SDCCAG8: variants seen among roughly 807,000 people sequenced by gnomAD.
SDCCAG8 encodes the protein SHH signaling and ciliogenesis regulator SDCCAG8, also known as serologically defined colon cancer antigen 8.
In SDCCAG8, 74 loss-of-function variants were observed where a neutral mutation model predicts 101.8. The observed-to-expected ratio is 0.73, with a 90% confidence interval of 0.60 to 0.88. SDCCAG8 has a LOEUF of 0.88. Among genes scored for constraint, SDCCAG8 ranks in the 40% least tolerant of loss-of-function variants. The pLI is 0.00. For missense variants in SDCCAG8, 787 were observed against 822.6 expected, an observed-to-expected ratio of 0.96 and a Z score of 0.53; for synonymous variants, 281 against 292.9, an observed-to-expected ratio of 0.96 and a Z score of 0.41.
chr1:243,290,556 A>G (rs183062140), intron 5 of SDCCAG8, among the ~76,000 whole-genome samples: 1 of 152,048 alleles, frequency 6.6e-6, no homozygotes, highest in Admixed American at 6.5e-5. Flanking sequence ...GGTGTGGTAT[A>G]CTCTCAAGTC....
intron 16 of SDCCAG8, among the ~76,000 whole-genome samples, chr1:243,471,524 C>T (rs924889625): frequency 1.7e-4 from 26 of 152,090 alleles, no homozygotes; most frequent in Non-Finnish European, 2.8e-4. Flanking sequence ...CTCCCTCGGC[C>T]CTCCACGGGG....
intron 6 of SDCCAG8, among the ~76,000 whole-genome samples, chr1:243,294,490 AGAGAGAGAGAAAGAGC>A (rs1374543391): frequency 5.2e-5 from 7 of 133,880 alleles, no homozygotes; most frequent in African/African-American, 2.1e-4. Context: ...GGGGAGAGAG[AGAGAGAGAGAAAGAGC>A]GAGAGAGAGA....
Position 243,256,186 on chromosome 1 carries a change from C to G in SDCCAG8, c.13C>G (p.Pro5Ala). 1 of 1,614,192 alleles carries G rather than the reference C, an allele frequency of 6.2e-7. No homozygotes were observed. Among genetic ancestry groups the G allele is most frequent in the Non-Finnish European group, 8.5e-7 (1 of 1,180,004 alleles). ...CTAGAGTGCGTGCATGGCGAAGTCC[C>G]CGGAGAACTCTACCCTGGAGGAGAT... is the stretch of plus-strand genomic sequence containing the variant. MAKS[P>A]ENSTLEEILG... is the part of the protein sequence containing the mutation. The change falls in exon 1 of 18, where the codon CCG becomes GCG. Residue 5 changes from proline (P) to alanine (A), a missense_variant. Coordinates refer to ENST00000366541, the MANE Select transcript of SDCCAG8 (RefSeq NM_006642.5).
intron 13 of SDCCAG8, among the ~76,000 whole-genome samples, chr1:243,385,924 G>A (rs2078257592): frequency 1.3e-5 from 2 of 152,192 alleles, no homozygotes; most frequent in Admixed American, 1.3e-4. Flanking sequence ...AGCTGAGTTT[G>A]CACCATTGTA....
At chr1:243,407,397 TG>T (rs1277991312) in intron 13 of SDCCAG8, among the ~76,000 whole-genome samples, 1 of 152,196 alleles carries the variant, frequency 6.6e-6, no homozygotes, top group Non-Finnish European at 1.5e-5. Context: ...AGAGATGTTA[TG>T]AAGAATAGAG....
chr1:243,471,965 C>A (rs1017146246), intron 16 of SDCCAG8, among the ~76,000 whole-genome samples: 1 of 152,164 alleles, frequency 6.6e-6, no homozygotes, highest in Admixed American at 6.5e-5. Context: ...GGCAGTATTT[C>A]AACTGTGGTC....
At position 243,274,523 on chromosome 1, in the gene SDCCAG8, T is replaced by G. The variant is rs776316200; in HGVS notation, c.307-20T>G. On this transcript the variant is annotated intron_variant, in intron 3 of 17. Coordinates refer to ENST00000366541, the MANE Select transcript of SDCCAG8 (RefSeq NM_006642.5). ...AAAATTTATGTATTTATGTATTTAT[T>G]TATTTATTTTTTGTCATAGAGGTCA... 6 of 1,309,130 alleles carry G rather than the reference T, an allele frequency of 4.6e-6. No individual in the cohort carries two copies. In the East Asian group the frequency reaches 1.2e-4, roughly 25 times the overall value. 81.1% of individuals were successfully genotyped at this position (1,309,130 alleles called of 1,614,324 possible). A position where few individuals can be genotyped will look rare whatever the true frequency, so the allele number is the denominator to read the frequency against.
intron 6 of SDCCAG8, among the ~76,000 whole-genome samples, chr1:243,301,897 A>T (rs550447778): frequency 6.6e-6 from 1 of 152,306 alleles, no homozygotes; most frequent in East Asian, 1.9e-4. Flanking sequence ...ATAACAAGAG[A>T]AGCAGCTTCT....
intron 12 of SDCCAG8, among the ~76,000 whole-genome samples, chr1:243,354,913 A>C (rs1211229343): frequency 6.6e-6 from 1 of 152,174 alleles, no homozygotes; most frequent in East Asian, 1.9e-4. Context: ...TCTGACCCTC[A>C]CTGGAGTTCA....
chr1:243,285,107 C>T (rs1261736994), intron 4 of SDCCAG8, among the ~76,000 whole-genome samples: 1 of 152,026 alleles, frequency 6.6e-6, no homozygotes, highest in East Asian at 1.9e-4. Flanking sequence ...GGTCTTGAAC[C>T]CCTGACCTCA....
At chr1:243,267,119 T>TCG in intron 1 of SDCCAG8, 1 of 156,764 alleles carries the variant, frequency 6.4e-6, no homozygotes, top group Non-Finnish European at 1.4e-5. Context: ...GGCGTGTAAC[T>TCG]GTAGTCCCAG....
intron 17 of SDCCAG8, among the ~76,000 whole-genome samples, chr1:243,492,776 T>G (rs12079509): frequency 3.9e-4 from 59 of 151,564 alleles, no homozygotes; most frequent in Middle Eastern, 3.4e-3. Flanking sequence ...CCTGGCTAAT[T>G]TTGTATTTTT....
chr1:243,399,913 C>T (rs1043995129), intron 13 of SDCCAG8, among the ~76,000 whole-genome samples: 5 of 152,172 alleles, frequency 3.3e-5, no homozygotes, highest in African/African-American at 1.2e-4. Context: ...CATAACCCTA[C>T]CAGGTAGATT....
At chr1:243,258,366 C>T (rs2066926006) in intron 1 of SDCCAG8, among the ~76,000 whole-genome samples, 1 of 152,116 alleles carries the variant, frequency 6.6e-6, no homozygotes, top group South Asian at 2.1e-4. Flanking sequence ...TAAGTACAGT[C>T]AGAAGTTCTT....
At chr1:243,489,264 G>A in intron 17 of SDCCAG8, 124 bp downstream of exon 17, 1 of 1,317,512 alleles carries the variant, frequency 7.6e-7, no homozygotes, top group Admixed American at 2.1e-5. Flanking sequence ...CTGGGAGGGA[G>A]GTCCCGAAGA....
At chr1:243,460,288 A>T (rs1458055405) in intron 16 of SDCCAG8, among the ~76,000 whole-genome samples, 2 of 151,954 alleles carry the variant, frequency 1.3e-5, no homozygotes, top group Non-Finnish European at 2.9e-5. Flanking sequence ...AAAATGGATG[A>T]TTTCTTATTT....
chr1:243,454,181 T>C (rs1449830338), intron 16 of SDCCAG8, among the ~76,000 whole-genome samples: 2 of 152,136 alleles, frequency 1.3e-5, no homozygotes, highest in Non-Finnish European at 2.9e-5. Flanking sequence ...ATGAATATGG[T>C]ATTTTGCTTT....
chr1:243,468,730 T>C (rs1210152718), intron 16 of SDCCAG8, among the ~76,000 whole-genome samples: 10 of 152,234 alleles, frequency 6.6e-5, no homozygotes, highest in Non-Finnish European at 2.9e-5. Flanking sequence ...ACAAAGCATT[T>C]AGTACAGTAA....
At chr1:243,495,527 C>T (rs1178412000) in intron 17 of SDCCAG8, among the ~76,000 whole-genome samples, 4 of 152,194 alleles carry the variant, frequency 2.6e-5, no homozygotes, top group Non-Finnish European at 1.5e-5. Flanking sequence ...TAACCGTGAG[C>T]CCCCGCCTGC....
Sources: gnomAD v4.1 joint callset for allele counts (sites outside exome capture counted in the v4.1 genomes callset) on GRCh38, gnomAD v4.1.1 for gene constraint, MANE v1.5 for transcripts, NCBI Gene and HGNC (gene_info 2026-07-23, HGNC 2026-07-21) for gene names.